Variants in TNFRSF8 observed in about 807,000 individuals in gnomAD.
TNFRSF8 encodes the protein tumor necrosis factor receptor superfamily member 8.
In TNFRSF8, 26 loss-of-function variants were observed where a neutral mutation model predicts 70.8. That is an observed-to-expected ratio of 0.37 (90% CI 0.27 to 0.51). TNFRSF8 has a LOEUF of 0.51. Among genes scored for constraint, TNFRSF8 ranks in the 20% least tolerant of loss-of-function variants. The probability of loss-of-function intolerance (pLI) is 0.94; values close to 1 mark genes in which losing one functional copy is unlikely to be tolerated. For missense variants in TNFRSF8, 720 were observed against 807.9 expected, an observed-to-expected ratio of 0.89 and a Z score of 1.32; for synonymous variants, 356 against 339.2, an observed-to-expected ratio of 1.05 and a Z score of -0.54.
At chr1:12,068,683 A>C (rs188869924) in intron 1 of TNFRSF8, among the ~76,000 whole-genome samples, 24 of 152,254 alleles carry the variant, frequency 1.6e-4, no homozygotes, top group Non-Finnish European at 2.6e-4. Flanking sequence ...TCATGCATGC[A>C]TGCATCCAGC....
intron 1 of TNFRSF8, among the ~76,000 whole-genome samples, chr1:12,079,890 C>T (rs915842428): frequency 6.6e-6 from 1 of 152,006 alleles, no homozygotes; most frequent in African/African-American, 2.4e-5. Flanking sequence ...TGTTCTCACT[C>T]TCTTTACATA....
At chr1:12,064,142 G>C (rs1275360116) in intron 1 of TNFRSF8, among the ~76,000 whole-genome samples, 2 of 152,196 alleles carry the variant, frequency 1.3e-5, no homozygotes, top group Non-Finnish European at 2.9e-5. Context: ...GGAAAGGAGG[G>C]AGAGTTGGCT....
chr1:12,067,261 C>T (rs1640758341), intron 1 of TNFRSF8, among the ~76,000 whole-genome samples: 1 of 152,224 alleles, frequency 6.6e-6, no homozygotes, highest in Non-Finnish European at 1.5e-5. Flanking sequence ...AATTCCCCAA[C>T]ATCATGTTCC....
In TNFRSF8 at chr1:12,128,833, C is replaced by CTT. The variant is rs60878706; in HGVS notation, c.1309+2615_1309+2616dup. 8.6e-4 allele frequency among the ~76,000 whole-genome samples: 96 copies of CTT among 111,766 alleles called. 7 individuals are homozygous for CTT. The highest frequency in any genetic ancestry group is 1.0e-3 in the East Asian group (4 of 3,856). The allele number at this position is 111,766 out of a possible 152,430, so 73.3% of individuals were successfully genotyped here. A position where few individuals can be genotyped will look rare whatever the true frequency, so the allele number is the denominator to read the frequency against. On this transcript the variant is annotated intron_variant, in intron 12 of 14. Transcript: ENST00000263932. ...GGTTGAGAACCACTGGTCTAAAATT[C>CTT]TTTTTTTTTTTTTTTTTTTGAGACA... is the stretch of plus-strand genomic sequence containing the variant.
chr1:12,122,725 T>A (rs1387899811), intron 8 of TNFRSF8, among the ~76,000 whole-genome samples: 2 of 152,226 alleles, frequency 1.3e-5, no homozygotes, highest in Admixed American at 6.5e-5. Flanking sequence ...ATTGAGGCTG[T>A]ATTTAAACAT....
At position 12,113,048 on chromosome 1, in the gene TNFRSF8, G is replaced by C. The variant is rs764629276; in HGVS notation, c.793+1034G>C. ...TAGCAAATTTTCTTAAAACTTAATT[G>C]TGAAAACAAATCATTCTTTGTACTC... On this transcript the variant is annotated intron_variant, in intron 7 of 14. Transcript: ENST00000263932. This position sits in a 1 kb window ranked among gnomAD's most constrained non-coding sequence, Gnocchi z 4.9. Among the ~76,000 whole-genome samples, 2 of 152,244 alleles carry C rather than the reference G, an allele frequency of 1.3e-5. No homozygotes were observed. The highest frequency in any genetic ancestry group is 4.8e-5 in the African/African-American group (2 of 41,452).
intron 8 of TNFRSF8, 92 bp from the exon 9 acceptor site, chr1:12,123,192 C>G: frequency 8.9e-7 from 1 of 1,118,222 alleles, no homozygotes; most frequent in Non-Finnish European, 1.3e-6. Flanking sequence ...GGTGTTGCCT[C>G]GCTGGAAGCC....
chr1:12,127,029 C>A (rs1282766109), intron 12 of TNFRSF8, among the ~76,000 whole-genome samples: 1 of 152,214 alleles, frequency 6.6e-6, no homozygotes, highest in Non-Finnish European at 1.5e-5. Flanking sequence ...CTCTTCCAGG[C>A]AGCCCTTGGG....
At chr1:12,122,095 A>G (rs1003021479) in intron 8 of TNFRSF8, among the ~76,000 whole-genome samples, 1 of 152,042 alleles carries the variant, frequency 6.6e-6, no homozygotes, top group African/African-American at 2.4e-5. Flanking sequence ...GCACTAGGGA[A>G]CCTTCTGGAG....
chr1:12,068,106 G>A (rs1285497387), intron 1 of TNFRSF8, among the ~76,000 whole-genome samples: 1 of 152,098 alleles, frequency 6.6e-6, no homozygotes, highest in Non-Finnish European at 1.5e-5. Flanking sequence ...ACTTAGACTC[G>A]TTTCTTGAGC....
At chr1:12,077,118 T>C (rs779975620) in intron 1 of TNFRSF8, among the ~76,000 whole-genome samples, 25 of 152,214 alleles carry the variant, frequency 1.6e-4, no homozygotes, top group Non-Finnish European at 2.5e-4. Context: ...GTTTTTCTCC[T>C]TTGCCGTGTT....
intron 13 of TNFRSF8, among the ~76,000 whole-genome samples, chr1:12,136,388 C>A (rs1193830034): frequency 6.6e-6 from 1 of 152,178 alleles, no homozygotes; most frequent in Non-Finnish European, 1.5e-5. Flanking sequence ...ATGGCTCACA[C>A]TTAAAATCCC....
intron 3 of TNFRSF8, 34 bp from the exon 4 acceptor site, chr1:12,104,336 CTTCCTTCTG>C: frequency 6.2e-7 from 1 of 1,612,666 alleles, no homozygotes; most frequent in South Asian, 1.1e-5. Flanking sequence ...GGAGAGACGC[CTTCCTTCTG>C]TTCCCCTCTG....
At chr1:12,074,756 C>T (rs148367152) in intron 1 of TNFRSF8, among the ~76,000 whole-genome samples, 5 of 152,116 alleles carry the variant, frequency 3.3e-5, no homozygotes, top group Admixed American at 2.0e-4. Flanking sequence ...GGAAACCTCT[C>T]GAATGGACTC....
At chr1:12,115,453 C>T (rs907468680) in intron 7 of TNFRSF8, 124 bp from the exon 8 acceptor site, 5 of 1,063,198 alleles carry the variant, frequency 4.7e-6, no homozygotes, top group South Asian at 2.5e-5. Context: ...CATAGTCAGA[C>T]GAGCATTTAT....
chr1:12,115,652 C>T lies in TNFRSF8; in HGVS notation c.869C>T (p.Ala290Val). ...GAATGTCGACCTGGCATGATCTGTGCCACATCAGCCACCAACTCCTGTGCC... is the reference window on the plus strand; with the variant it reads ...GAATGTCGACCTGGCATGATCTGTGTCACATCAGCCACCAACTCCTGTGCC... ...TCECRPGMICATSATNSCARC... is the reference protein window; with the variant it reads ...TCECRPGMICVTSATNSCARC... The change falls in exon 8 of 15, where the codon GCC becomes GTC. Residue 290 changes from alanine to valine, a missense_variant. Physicochemically the swap from Ala to Val is moderately conservative, Grantham distance 64 (BLOSUM62 0). Transcript: ENST00000263932. 6.2e-7 allele frequency: 1 copy of T among 1,614,180 alleles called. No homozygotes were observed. Among genetic ancestry groups the T allele is most frequent in the Non-Finnish European group, 8.5e-7 (1 of 1,180,032 alleles).
At chr1:12,114,771 C>T (rs919493813) in intron 7 of TNFRSF8, among the ~76,000 whole-genome samples, 3 of 128,362 alleles carry the variant, frequency 2.3e-5, no homozygotes, top group African/African-American at 8.9e-5. Context: ...TGCAGTGGCA[C>T]TATCTTGGCT....
At chr1:12,083,688 A>G (rs966371956) in intron 1 of TNFRSF8, among the ~76,000 whole-genome samples, 2 of 152,338 alleles carry the variant, frequency 1.3e-5, no homozygotes, top group Non-Finnish European at 2.9e-5. Flanking sequence ...CTCTGTCTCA[A>G]CAAATTAAAA....
intron 8 of TNFRSF8, among the ~76,000 whole-genome samples, chr1:12,118,406 C>T (rs1426007222): frequency 6.6e-6 from 1 of 152,140 alleles, no homozygotes; most frequent in Non-Finnish European, 1.5e-5. Context: ...CCACCGCACC[C>T]GGCCAAGCAT....
Sources: allele counts gnomAD v4.1 joint callset (sites outside exome capture counted in the v4.1 genomes callset), GRCh38; gene constraint gnomAD v4.1.1; non-coding constraint Gnocchi (gnomAD v3.1); transcripts MANE v1.5; gene names NCBI Gene and HGNC (gene_info 2026-07-23, HGNC 2026-07-21).